PEBP4: variants seen among roughly 807,000 people sequenced by gnomAD.
PEBP4 encodes phosphatidylethanolamine binding protein 4.
In PEBP4, 22 loss-of-function variants were observed where a neutral mutation model predicts 23.9. That is an observed-to-expected ratio of 0.92 (90% CI 0.66 to 1.31). PEBP4 has a LOEUF of 1.31. Ranked by LOEUF, PEBP4 falls within the 40% of genes most tolerant of loss-of-function variation. PEBP4 has a pLI of 0.00. For synonymous variants in PEBP4, 112 were observed against 99.3 expected, an observed-to-expected ratio of 1.13 and a Z score of -0.76; for missense variants, 324 against 281.7, an observed-to-expected ratio of 1.15 and a Z score of -1.07.
rs145813374 is a variant in PEBP4, at chr8:22,778,665, A to C, written c.357+38972T>G. ...GAGCGGGCCTGGGGCCACCCTGTGG[A>C]CTGGGATGCAGAGGCCTGAGTGGAG... On this transcript the variant is annotated intron_variant, in intron 4 of 6. Coordinates refer to ENST00000256404, the MANE Select transcript of PEBP4 (RefSeq NM_144962.3). Among the ~76,000 whole-genome samples the C allele has an allele frequency of 7.9e-3, 1,197 of 152,120 alleles. 31 individuals are homozygous for C. Among genetic ancestry groups the C allele is most frequent in the Admixed American group, 0.055 (842 of 15,280 alleles).
intron 4 of PEBP4, chr8:22,814,927 G>A (rs1806706709): frequency 1.3e-5 from 2 of 152,178 alleles, no homozygotes; most frequent in African/African-American, 4.8e-5. Flanking sequence ...TGTCTTCCTT[G>A]TTATAGAGAG....
chr8:22,749,995 G>A (rs1213333835), intron 4 of PEBP4, among the ~76,000 whole-genome samples: 6 of 151,598 alleles, frequency 4.0e-5, no homozygotes, highest in South Asian at 2.1e-4. Flanking sequence ...TAGTAAAGAC[G>A]GGGTTTCTCC....
At chr8:22,852,562 A>C (rs780551961) in intron 3 of PEBP4, among the ~76,000 whole-genome samples, 11 of 152,140 alleles carry the variant, frequency 7.2e-5, no homozygotes, top group Admixed American at 7.2e-4. Context: ...GTCCAACCAG[A>C]AAGAGCCTAG....
At chr8:22,854,855 C>T (rs143681513) in intron 3 of PEBP4, among the ~76,000 whole-genome samples, 133 of 152,158 alleles carry the variant, frequency 8.7e-4, no homozygotes, top group African/African-American at 3.1e-3. Context: ...TGCTCCCTCC[C>T]CCTCCCTCTT....
At chr8:22,778,924 G>A (rs915453729) in intron 4 of PEBP4, among the ~76,000 whole-genome samples, 11 of 152,140 alleles carry the variant, frequency 7.2e-5, no homozygotes, top group South Asian at 2.1e-4. Flanking sequence ...TCATGTTGTC[G>A]GAGGCTGTCC....
At chr8:22,803,359 C>T (rs1351761178) in intron 4 of PEBP4, among the ~76,000 whole-genome samples, 2 of 152,124 alleles carry the variant, frequency 1.3e-5, no homozygotes, top group Non-Finnish European at 2.9e-5. Flanking sequence ...ATTTCAATCT[C>T]TCACTTAAAA....
At chr8:22,802,793 C>T (rs530806655) in intron 4 of PEBP4, among the ~76,000 whole-genome samples, 4 of 152,178 alleles carry the variant, frequency 2.6e-5, no homozygotes, top group African/African-American at 9.6e-5. Flanking sequence ...GTTGTGCGTA[C>T]GAACATTTTG....
intron 3 of PEBP4, among the ~76,000 whole-genome samples, chr8:22,919,563 C>A (rs1446461549): frequency 6.6e-6 from 1 of 152,186 alleles, no homozygotes. Context: ...TTTCCAGACC[C>A]CTAAATGTAA....
chr8:22,886,892 G>C (rs546201943), intron 3 of PEBP4: 2 of 152,554 alleles, frequency 1.3e-5, no homozygotes, highest in East Asian at 3.9e-4. Context: ...GGTAAGGTCA[G>C]AGGGATTCGA....
In PEBP4 at chr8:22,875,289, G is replaced by A. The variant is rs780087415; in HGVS notation, c.258+44895C>T. On this transcript the variant is annotated intron_variant, in intron 3 of 6. Transcript: ENST00000256404. Reference sequence around the variant, plus strand: ...AGTATTTTAGAAATAATGTATATGTGAGCCCCTTTTATTTTCTTTTTCCCC... The same window carrying A: ...AGTATTTTAGAAATAATGTATATGTAAGCCCCTTTTATTTTCTTTTTCCCC... 2.6e-5 allele frequency among the ~76,000 whole-genome samples: 4 copies of A among 152,004 alleles called. 1 individual carries two copies. In the Middle Eastern group the frequency reaches 0.01, roughly 388 times the overall value.
At chr8:22,903,984 C>T (rs1400874419) in intron 3 of PEBP4, among the ~76,000 whole-genome samples, 1 of 152,252 alleles carries the variant, frequency 6.6e-6, no homozygotes, top group East Asian at 1.9e-4. Context: ...CCCCTGGACT[C>T]AGTTGAGTTC....
chr8:22,937,015 G>A (rs182768442), intron 1 of PEBP4, among the ~76,000 whole-genome samples: 59 of 152,224 alleles, frequency 3.9e-4, no homozygotes, highest in African/African-American at 1.4e-3. Flanking sequence ...CAGACTTCAA[G>A]TTTTCCTCTA....
upstream of PEBP4, among the ~76,000 whole-genome samples, chr8:22,930,723 C>A (rs964085392): frequency 6.6e-6 from 1 of 152,096 alleles, no homozygotes; most frequent in East Asian, 1.9e-4. Context: ...CAGTGGTTCT[C>A]GGGATTTTTC....
intron 4 of PEBP4, among the ~76,000 whole-genome samples, chr8:22,797,171 T>A (rs1364329140): frequency 6.7e-6 from 1 of 150,214 alleles, no homozygotes; most frequent in African/African-American, 2.4e-5. Context: ...GAAGAATCGC[T>A]TGACCCAGGA....
At chr8:22,841,476 A>G (rs923541927) in intron 3 of PEBP4, among the ~76,000 whole-genome samples, 2 of 152,262 alleles carry the variant, frequency 1.3e-5, no homozygotes, top group East Asian at 3.8e-4. Context: ...CTAACAAAAC[A>G]GCAAACGGGT....
rs900197141 is a variant in PEBP4 at position 22,805,839 on chromosome 8, C to A, written c.357+11798G>T. Among the ~76,000 whole-genome samples, 4 of 151,754 alleles carry A rather than the reference C, an allele frequency of 2.6e-5. No homozygotes were observed. The South Asian group carries it at 6.2e-4, about 24-fold the overall frequency. ...TGCATAAACTTTTTGATCTGCAGTG[C>A]CTGAATGAAACCTATTGCCTAAATG... On this transcript the variant is annotated intron_variant, in intron 4 of 6. Coordinates refer to ENST00000256404, the MANE Select transcript of PEBP4 (RefSeq NM_144962.3).
At chr8:22,898,594 A>G (rs577522500) in intron 3 of PEBP4, among the ~76,000 whole-genome samples, 1 of 152,146 alleles carries the variant, frequency 6.6e-6, no homozygotes, top group East Asian at 1.9e-4. Flanking sequence ...TAGAAAGATA[A>G]CCATAGACAT....
intron 4 of PEBP4, among the ~76,000 whole-genome samples, chr8:22,800,281 G>T (rs1297746024): frequency 6.6e-6 from 1 of 152,092 alleles, no homozygotes; most frequent in African/African-American, 2.4e-5. Flanking sequence ...GATGGGGCAG[G>T]AGACAGAAAG....
At chr8:22,792,063 T>G (rs906788757) in intron 4 of PEBP4, among the ~76,000 whole-genome samples, 3 of 151,850 alleles carry the variant, frequency 2.0e-5, no homozygotes, top group Admixed American at 6.6e-5. Context: ...CTCACTATGT[T>G]GCCCAGGCTG....
Sources: allele counts gnomAD v4.1 joint callset (sites outside exome capture counted in the v4.1 genomes callset), GRCh38; gene constraint gnomAD v4.1.1; transcripts MANE v1.5; gene names NCBI Gene and HGNC (gene_info 2026-07-23, HGNC 2026-07-21).